RYR3: variants seen among roughly 807,000 people sequenced by gnomAD.
RYR3 encodes ryanodine receptor 3.
Under a neutral mutation model 584.3 loss-of-function variants are expected in RYR3, and 207 were observed. That is an observed-to-expected ratio of 0.35 (90% CI 0.32 to 0.40). The LOEUF is 0.40. Ranked by LOEUF, RYR3 falls within the 10% of genes least tolerant of loss-of-function variation. The pLI is 1.00. For synonymous variants in RYR3, 2,416 were observed against 2,248.5 expected, an observed-to-expected ratio of 1.07 and a Z score of -2.11; for missense variants, 5,616 against 6,089.2, an observed-to-expected ratio of 0.92 and a Z score of 2.59.
At chr15:33,570,107 A>T (rs2057942915) in intron 12 of RYR3, among the ~76,000 whole-genome samples, 1 of 152,054 alleles carries the variant, frequency 6.6e-6, no homozygotes, top group Admixed American at 6.6e-5. Context: ...TAACATATTT[A>T]TGGATTCTGC....
intron 10 of RYR3, among the ~76,000 whole-genome samples, chr15:33,557,297 G>A (rs959038885): frequency 5.9e-5 from 9 of 152,226 alleles, no homozygotes; most frequent in Non-Finnish European, 1.0e-4. Context: ...GTGAATTCGC[G>A]TGATGGCATT....
chr15:33,839,494 G>A (rs1239250539), intron 89 of RYR3, among the ~76,000 whole-genome samples: 1 of 152,196 alleles, frequency 6.6e-6, no homozygotes, highest in African/African-American at 2.4e-5. Context: ...CAGGAATTCA[G>A]AGCCCCTTGA....
intron 89 of RYR3, 89 bp from the exon 90 acceptor site, chr15:33,840,736 T>A: frequency 8.4e-7 from 1 of 1,190,374 alleles, no homozygotes; most frequent in East Asian, 2.5e-5. Flanking sequence ...TTGAAATTTG[T>A]GACCAAGAAG....
In RYR3 at chr15:33,749,979, G is replaced by T; in HGVS notation, c.8200G>T (p.Gly2734Ter). The T allele has an allele frequency of 6.2e-7, 1 of 1,611,612 alleles. No individual in the cohort carries two copies. The highest frequency in any genetic ancestry group is 1.1e-5 in the South Asian group (1 of 90,244). Residue 2734 changes from glycine (G) to a stop codon, truncating the protein, a stop_gained and splice_region_variant, in exon 56 of 104, where the codon GGA (glycine) becomes TGA (stop). Transcript: ENST00000634891. LOFTEE classifies it high-confidence loss of function. ...SNVVLSRELQGMVEVVAENYH... is the reference protein window; with the variant it reads ...SNVVLSRELQ ...CTTGGCTCTTCTTGGTGGGACACAG[G>T]GAATGGTGGAGGTCGTGGCTGAGAA...
chr15:33,545,421 A>G (rs1321894949), intron 8 of RYR3, among the ~76,000 whole-genome samples: 2 of 152,182 alleles, frequency 1.3e-5, no homozygotes, highest in African/African-American at 2.4e-5. Context: ...GCAGACATGC[A>G]TGCCATCATT....
chr15:33,365,890 A>T (rs1975427821), intron 1 of RYR3, among the ~76,000 whole-genome samples: 1 of 152,308 alleles, frequency 6.6e-6, no homozygotes, highest in South Asian at 2.1e-4. Flanking sequence ...AGTGGTTTTT[A>T]AAAAAGTTAT....
intron 38 of RYR3, among the ~76,000 whole-genome samples, chr15:33,693,895 A>G (rs17817512): frequency 0.087 from 13,268 of 152,268 alleles, 653 homozygotes; most frequent in Admixed American, 0.12. Flanking sequence ...TTAGGGCACT[A>G]GTACACACTC....
intron 4 of RYR3, 125 bp downstream of exon 4, chr15:33,530,791 C>T (rs2141047960): frequency 4.2e-6 from 3 of 708,670 alleles, no homozygotes; most frequent in Non-Finnish European, 7.4e-6. Context: ...AATTTTAGCA[C>T]GTTATCCTCT....
At chr15:33,440,144 G>A (rs2046096091) in intron 1 of RYR3, among the ~76,000 whole-genome samples, 1 of 151,924 alleles carries the variant, frequency 6.6e-6, no homozygotes, top group South Asian at 2.1e-4. Context: ...AAAATTAATG[G>A]GGCATAGCAG....
intron 1 of RYR3, among the ~76,000 whole-genome samples, chr15:33,424,600 C>A (rs2044469417): frequency 6.6e-6 from 1 of 152,120 alleles, no homozygotes; most frequent in South Asian, 2.1e-4. Context: ...CCTGATTGAG[C>A]CACATTTAAG....
intron 1 of RYR3, among the ~76,000 whole-genome samples, chr15:33,413,443 G>C (rs1246373125): frequency 6.6e-6 from 1 of 152,238 alleles, no homozygotes; most frequent in Non-Finnish European, 1.5e-5. Flanking sequence ...GAGCAAACAA[G>C]ACAGTCCAGT....
chr15:33,570,200 A>G (rs961701343), intron 12 of RYR3, among the ~76,000 whole-genome samples: 7 of 152,138 alleles, frequency 4.6e-5, no homozygotes, highest in African/African-American at 1.7e-4. Context: ...AAGTTTCAAA[A>G]TTTTAGCGTT....
At chr15:33,721,163 G>A (rs1410177540) in intron 43 of RYR3, among the ~76,000 whole-genome samples, 2 of 152,186 alleles carry the variant, frequency 1.3e-5, no homozygotes, top group African/African-American at 4.8e-5. Flanking sequence ...GAAGCCAGCT[G>A]CCACATCATG....
Position 33,530,603 on chromosome 15 carries a change from A to T in RYR3, c.291A>T (p.Gly97=), listed in dbSNP as rs1474666061. The T allele has an allele frequency of 3.7e-6, 6 of 1,612,830 alleles. No individual in the cohort carries two copies. The highest frequency in any genetic ancestry group is 5.1e-6 in the Non-Finnish European group (6 of 1,179,048). The change falls in exon 4 of 104, where the codon GGA becomes GGT. Residue 97 remains glycine, a synonymous_variant. Coordinates refer to ENST00000634891, the MANE Select transcript of RYR3 (RefSeq NM_001036.6). ...GENGGEGAAQ[G]GGHRTLLYGH... is the part of the protein sequence containing the mutation. ...CCTCATTCCCACAGGCAGCACAAGG[A>T]GGTGGCCACAGGACCCTGTTATACG...
intron 68 of RYR3, among the ~76,000 whole-genome samples, chr15:33,801,191 G>C (rs576792592): frequency 6.6e-6 from 1 of 152,278 alleles, no homozygotes; most frequent in East Asian, 1.9e-4. Context: ...TGGATTCAAA[G>C]ATTTTCTGAC....
chr15:33,833,002 C>CAAAAAAAAAAA (rs66477732), intron 86 of RYR3, among the ~76,000 whole-genome samples: 1 of 112,636 alleles, frequency 8.9e-6, no homozygotes. Context: ...AACTCTGTCT[C>CAAAAAAAAAAA]AAAAAAAAAA....
intron 3 of RYR3, among the ~76,000 whole-genome samples, chr15:33,509,396 T>A (rs2052767171): frequency 1.3e-5 from 2 of 152,186 alleles, no homozygotes; most frequent in Non-Finnish European, 2.9e-5. Context: ...ATTTAGCATC[T>A]CACTCTGAGG....
chr15:33,850,975 G>A (rs2079068252), intron 94 of RYR3: 1 of 152,034 alleles, frequency 6.6e-6, no homozygotes, highest in Admixed American at 6.6e-5. Flanking sequence ...TTGACTATTT[G>A]GAACTTAATA....
At chr15:33,801,382 T>A (rs2075909440) in intron 68 of RYR3, among the ~76,000 whole-genome samples, 2 of 152,190 alleles carry the variant, frequency 1.3e-5, no homozygotes, top group African/African-American at 4.8e-5. Context: ...TAAAAGGTGC[T>A]AGACTCTCAT....
Sources: gnomAD v4.1 joint callset for allele counts (sites outside exome capture counted in the v4.1 genomes callset) on GRCh38, gnomAD v4.1.1 for gene constraint, MANE v1.5 for transcripts, NCBI Gene and HGNC (gene_info 2026-07-23, HGNC 2026-07-21) for gene names.